PUDP: variants seen among roughly 807,000 people sequenced by gnomAD.
PUDP encodes pseudouridine-5'-phosphatase.
A neutral mutation model predicts 9.4 loss-of-function variants in PUDP; 8 were observed. The ratio of observed to expected loss-of-function variants is 0.85; its 90% CI spans 0.50 to 1.53. The LOEUF (loss-of-function observed/expected upper bound fraction) is 1.53. PUDP is among the 40% of genes most tolerant of loss of function. The pLI is 0.00. For missense variants in PUDP, 188 were observed against 189.7 expected (o/e 0.99, Z 0.05); for synonymous variants, 99 against 80.7 (o/e 1.23, Z -1.22).
At chrX:7,079,729 A>C (rs1408423093) in intron 2 of PUDP, among the ~76,000 whole-genome samples, 1 of 112,729 alleles carries the variant, frequency 8.9e-6, no homozygotes, top group African/African-American at 3.2e-5. Context: ...TGAAATCACA[A>C]AGGGAAACTA....
intron 1 of PUDP, among the ~76,000 whole-genome samples, chrX:7,129,506 T>G (rs982100828): frequency 9.0e-6 from 1 of 111,701 alleles, no homozygotes; most frequent in South Asian, 3.8e-4. Context: ...GAGCCCAAGG[T>G]TGCTCAGCAT....
chrX:6,865,512 C>A (rs1017625922), intron 3 of PUDP, among the ~76,000 whole-genome samples: 15 of 112,157 alleles, frequency 1.3e-4, no homozygotes, highest in African/African-American at 3.9e-4. Context: ...GGGAACTGAA[C>A]CACAAACTCA....
chrX:6,737,888 A>G (rs372827883), intron 3 of PUDP, among the ~76,000 whole-genome samples: 1 of 111,631 alleles, frequency 9.0e-6, no homozygotes, highest in African/African-American at 3.3e-5. Context: ...CGAGCACTGA[A>G]GCAAAAAATA....
chrX:7,105,833 C>G lies in PUDP; in HGVS notation c.67G>C (p.Glu23Gln). The G allele has an allele frequency of 8.5e-7, 1 of 1,169,892 alleles. No individual in the cohort carries two copies. Among genetic ancestry groups the G allele is most frequent in the Non-Finnish European group, 1.2e-6 (1 of 865,442 alleles). ...TGAAACACCACTGAATACAGCCGTT[C>G]AGTATCTGCAGGAAAAAAAAAAGAG... ...FDMDGLLLDT[E>Q]RLYSVVFQEI... Residue 23 changes from glutamate (E) to glutamine (Q), a missense_variant, in exon 2 of 4, where the codon GAA becomes CAA. Glu to Gln is a conservative substitution (Grantham distance 29). Coordinates refer to ENST00000381077, the MANE Select transcript of PUDP (RefSeq NM_012080.5).
At position 7,117,028 on chromosome X, in the gene PUDP, G is replaced by A. The variant is rs759743980; in HGVS notation, c.62-11190C>T. Reference sequence around the variant, plus strand: ...CGAAGCAGCTGCCACTATGCTTCCTGTATAACCTGCAGAAATGTGAGCCAA... The same window carrying A: ...CGAAGCAGCTGCCACTATGCTTCCTATATAACCTGCAGAAATGTGAGCCAA... On this transcript the variant is annotated intron_variant, in intron 1 of 3. Coordinates refer to ENST00000381077, the MANE Select transcript of PUDP (RefSeq NM_012080.5). The A allele has an allele frequency of 3.5e-5, 41 of 1,165,246 alleles. No individual in the cohort carries two copies. In the Admixed American group the frequency reaches 1.1e-3, roughly 30 times the overall value.
At chrX:7,015,210 G>A (rs1929531212) in intron 1 of PUDP, among the ~76,000 whole-genome samples, 1 of 112,128 alleles carries the variant, frequency 8.9e-6, no homozygotes, top group South Asian at 3.7e-4. Flanking sequence ...AGTTGTATAT[G>A]ACATGAGAGC....
chrX:6,706,357 A>G (rs1216144659), exon 2 of PUDP: 1 of 112,110 alleles, frequency 8.9e-6, no homozygotes, highest in East Asian at 2.8e-4. Flanking sequence ...AGTCGCAACC[A>G]TTCAGGAGGC....
intron 1 of PUDP, among the ~76,000 whole-genome samples, chrX:6,719,259 G>A (rs1924634609): frequency 8.9e-6 from 1 of 111,817 alleles, no homozygotes; most frequent in African/African-American, 3.2e-5. Context: ...CCTCACACAA[G>A]TCTGTGTCCC....
chrX:6,992,290 T>TG (rs1491279889), intron 1 of PUDP, among the ~76,000 whole-genome samples: 1 of 74,785 alleles, frequency 1.3e-5, no homozygotes, highest in Admixed American at 1.4e-4. Context: ...TTTTTTTTTT[T>TG]GAGACGGAGT....
intron 1 of PUDP, among the ~76,000 whole-genome samples, chrX:7,043,601 C>T (rs1314456048): frequency 9.0e-6 from 1 of 111,527 alleles, no homozygotes; most frequent in Non-Finnish European, 1.9e-5. Flanking sequence ...GACAGGGTAT[C>T]AGGAGACCTA....
At chrX:6,743,759 C>T (rs112767477) in intron 3 of PUDP, among the ~76,000 whole-genome samples, 5,478 of 111,639 alleles carry the variant, frequency 0.049, 151 homozygotes, top group African/African-American at 0.075. Context: ...CCCAGGTGTG[C>T]CATGACAGGG....
chrX:6,951,714 C>T (rs1450313482), intron 3 of PUDP, among the ~76,000 whole-genome samples: 6 of 112,295 alleles, frequency 5.3e-5, no homozygotes, highest in African/African-American at 9.7e-5. Context: ...CTACTGTGCA[C>T]AGTGCCTGGC....
intron 3 of PUDP, among the ~76,000 whole-genome samples, chrX:6,906,008 C>CA (rs1318909160): frequency 8.9e-6 from 1 of 112,017 alleles, no homozygotes; most frequent in Non-Finnish European, 1.9e-5. Flanking sequence ...TTCATGTTCT[C>CA]AAACTTGACG....
At chrX:7,012,290 G>A (rs1929488231) in intron 1 of PUDP, among the ~76,000 whole-genome samples, 1 of 112,176 alleles carries the variant, frequency 8.9e-6, no homozygotes, top group Non-Finnish European at 1.9e-5. Flanking sequence ...TGAGCTTTTG[G>A]CACTTAGGTG....
At chrX:6,795,740 T>C (rs1483770624) in intron 3 of PUDP, among the ~76,000 whole-genome samples, 1 of 111,640 alleles carries the variant, frequency 9.0e-6, no homozygotes, top group African/African-American at 3.3e-5. Flanking sequence ...GCACCTCTGG[T>C]TGCAATACAG....
chrX:6,759,282 AT>A (rs973445421), intron 3 of PUDP, among the ~76,000 whole-genome samples: 2 of 111,474 alleles, frequency 1.8e-5, no homozygotes, highest in Non-Finnish European at 3.8e-5. Flanking sequence ...CAAGTGCGAC[AT>A]TTTCCTTTAT....
chrX:7,050,596 G>A, intron 3 of PUDP, 124 bp from the exon 4 acceptor site: 1 of 619,655 alleles, frequency 1.6e-6, no homozygotes, highest in South Asian at 3.0e-5. Flanking sequence ...TACAGTGGGG[G>A]CTCCCCAGAG....
chrX:7,096,886 G>A (rs766754745), intron 2 of PUDP, among the ~76,000 whole-genome samples: 1 of 110,534 alleles, frequency 9.0e-6, no homozygotes, highest in Non-Finnish European at 1.9e-5. Context: ...TATCCTGAAG[G>A]GATATTCTCC....
chrX:6,861,581 T>G (rs1927002775), intron 3 of PUDP, among the ~76,000 whole-genome samples: 1 of 112,241 alleles, frequency 8.9e-6, no homozygotes, highest in African/African-American at 3.2e-5. Flanking sequence ...TTTGAAATTC[T>G]GCCAAGATCA....
Sources: gnomAD v4.1 joint callset for allele counts (sites outside exome capture counted in the v4.1 genomes callset) on GRCh38, gnomAD v4.1.1 for gene constraint, MANE v1.5 for transcripts, NCBI Gene and HGNC (gene_info 2026-07-23, HGNC 2026-07-21) for gene names.